Variants in TXNDC16 observed in about 807,000 individuals in gnomAD.
TXNDC16 encodes the protein thioredoxin domain-containing protein 16.
TXNDC16 carries 74 observed loss-of-function variants against 85.6 expected under a neutral mutation model. The observed-to-expected ratio is 0.86, with a 90% CI of 0.72 to 1.05. The LOEUF (loss-of-function observed/expected upper bound fraction) is 1.05. Ranked by LOEUF, TXNDC16 falls within the 50% of genes least tolerant of loss-of-function variation. TXNDC16 has a pLI of 0.00. For synonymous variants in TXNDC16, 335 were observed against 326.5 expected (o/e 1.03, Z -0.28); for missense variants, 959 against 947.0 (o/e 1.01, Z -0.17).
intron 6 of TXNDC16, among the ~76,000 whole-genome samples, chr14:52,531,141 A>G (rs532195039): frequency 6.6e-6 from 1 of 152,236 alleles, no homozygotes; most frequent in Non-Finnish European, 1.5e-5. Flanking sequence ...CTATATACCT[A>G]TTATGCTAGC....
At chr14:52,503,292 CCCCCA>C (rs2036706843) in intron 9 of TXNDC16, among the ~76,000 whole-genome samples, 2 of 152,238 alleles carry the variant, frequency 1.3e-5, no homozygotes, top group Non-Finnish European at 2.9e-5. Flanking sequence ...GGGTCCCTGA[CCCCCA>C]AGTAGCCTCA....
chr14:52,468,029 T>A (rs1457026566), intron 16 of TXNDC16, among the ~76,000 whole-genome samples: 1 of 152,180 alleles, frequency 6.6e-6, no homozygotes, highest in Non-Finnish European at 1.5e-5. Context: ...TCCACCTGTA[T>A]GAGGTACATA....
intron 16 of TXNDC16, among the ~76,000 whole-genome samples, chr14:52,464,452 T>C (rs1043139101): frequency 1.3e-5 from 2 of 152,186 alleles, no homozygotes; most frequent in Non-Finnish European, 1.5e-5. Flanking sequence ...AGACTTAAAT[T>C]CTTCTTGGAA....
intron 18 of TXNDC16, among the ~76,000 whole-genome samples, chr14:52,450,853 T>TTATA (rs71125107): frequency 8.4e-4 from 122 of 145,114 alleles, no homozygotes; most frequent in Non-Finnish European, 1.3e-3. Context: ...AAAATGTGTT[T>TTATA]TATATATATA....
intron 16 of TXNDC16, among the ~76,000 whole-genome samples, chr14:52,457,957 G>C (rs911939657): frequency 3.9e-5 from 6 of 152,122 alleles, no homozygotes; most frequent in African/African-American, 1.4e-4. Flanking sequence ...CCAAGTGAAG[G>C]CCAAATGATA....
At chr14:52,455,568 T>C in intron 17 of TXNDC16, 106 bp from the exon 18 acceptor site, 1 of 1,294,038 alleles carries the variant, frequency 7.7e-7, no homozygotes. Flanking sequence ...TGGGAATTCC[T>C]ACTGCTAAGG....
chr14:52,474,733 A>T (rs915274287), intron 14 of TXNDC16, among the ~76,000 whole-genome samples: 62 of 151,956 alleles, frequency 4.1e-4, no homozygotes, highest in African/African-American at 1.3e-3. Context: ...TCCATCTCAA[A>T]AAAAAAAAAA....
rs987702654 is a variant in TXNDC16 at position 52,537,804 on chromosome 14, T to C, written c.244-132A>G. On this transcript the variant is annotated intron_variant, in intron 4 of 20. Coordinates refer to ENST00000281741, the MANE Select transcript of TXNDC16 (RefSeq NM_020784.3). ...TTTTGTATTTTATGTTTTTTTCTGATTTGTATGCTATAATTGTTCACATAT... is the reference window on the plus strand; with the variant it reads ...TTTTGTATTTTATGTTTTTTTCTGACTTGTATGCTATAATTGTTCACATAT... 3 of 595,852 alleles carry C rather than the reference T, an allele frequency of 5.0e-6. No individual in the cohort carries two copies. In the African/African-American group the frequency reaches 5.6e-5, roughly 11 times the overall value. The allele number at this position is 595,852 out of a possible 1,614,324, so 36.9% of individuals were successfully genotyped here.
chr14:52,490,076 G>C (rs1368083063), intron 11 of TXNDC16, among the ~76,000 whole-genome samples: 1 of 152,018 alleles, frequency 6.6e-6, no homozygotes, highest in Non-Finnish European at 1.5e-5. Flanking sequence ...CGATCCACCT[G>C]CCTCAGCCTC....
chr14:52,483,219 A>C (rs1186468125), intron 12 of TXNDC16, among the ~76,000 whole-genome samples: 1 of 152,164 alleles, frequency 6.6e-6, no homozygotes, highest in Non-Finnish European at 1.5e-5. Flanking sequence ...GAATATTAAT[A>C]GTGCCATTTT....
chr14:52,492,452 G>A (rs906908922), intron 9 of TXNDC16, among the ~76,000 whole-genome samples: 3 of 152,150 alleles, frequency 2.0e-5, no homozygotes, highest in East Asian at 1.9e-4. Context: ...ACTGCTACCC[G>A]CACCTTCTCT....
chr14:52,441,997 G>T (rs531746911), intron 18 of TXNDC16, among the ~76,000 whole-genome samples: 4 of 152,222 alleles, frequency 2.6e-5, no homozygotes, highest in Admixed American at 2.0e-4. Flanking sequence ...TCATGGAATT[G>T]TCACAGTAAT....
chr14:52,470,374 A>G, intron 15 of TXNDC16, 138 bp downstream of exon 15: 1 of 1,106,004 alleles, frequency 9.0e-7, no homozygotes, highest in Non-Finnish European at 1.3e-6. Flanking sequence ...AAATGTACAC[A>G]GACTTTCATA....
At chr14:52,512,577 G>T (rs1343980549) in intron 8 of TXNDC16, among the ~76,000 whole-genome samples, 1 of 152,098 alleles carries the variant, frequency 6.6e-6, no homozygotes, top group Admixed American at 6.6e-5. Flanking sequence ...GTTAAGGCTG[G>T]ACTCCATAAC....
intron 7 of TXNDC16, among the ~76,000 whole-genome samples, chr14:52,517,033 C>T (rs1445292466): frequency 3.3e-5 from 5 of 152,018 alleles, no homozygotes; most frequent in Admixed American, 2.0e-4. Context: ...CTACACCTTG[C>T]AATCACCAAT....
At chr14:52,434,061 T>A (rs1055658661) in intron 20 of TXNDC16, among the ~76,000 whole-genome samples, 1 of 152,082 alleles carries the variant, frequency 6.6e-6, no homozygotes, top group African/African-American at 2.4e-5. Context: ...TGGTGGCACG[T>A]GCCTGTAGTT....
At chr14:52,441,464 C>T (rs2035163508) in intron 18 of TXNDC16, among the ~76,000 whole-genome samples, 1 of 152,036 alleles carries the variant, frequency 6.6e-6, no homozygotes, top group Admixed American at 6.6e-5. Flanking sequence ...CAAAAATTAG[C>T]TGGGTATGGT....
intron 20 of TXNDC16, among the ~76,000 whole-genome samples, chr14:52,435,513 G>A (rs2035005574): frequency 6.6e-6 from 1 of 152,024 alleles, no homozygotes; most frequent in Non-Finnish European, 1.5e-5. Context: ...ACTACAGAAA[G>A]GTCTCCTTCC....
intron 9 of TXNDC16, among the ~76,000 whole-genome samples, chr14:52,493,459 G>C (rs1182642492): frequency 6.6e-6 from 1 of 152,022 alleles, no homozygotes; most frequent in Non-Finnish European, 1.5e-5. Flanking sequence ...ACCTCAAGGA[G>C]ATGGGAAGAC....
Sources: gnomAD v4.1 joint callset for allele counts (sites outside exome capture counted in the v4.1 genomes callset) on GRCh38, gnomAD v4.1.1 for gene constraint, MANE v1.5 for transcripts, NCBI Gene and HGNC (gene_info 2026-07-23, HGNC 2026-07-21) for gene names.